DAB1: variants seen among roughly 807,000 people sequenced by gnomAD.
DAB1 encodes disabled homolog 1.
Under a neutral mutation model 64.6 loss-of-function variants are expected in DAB1, and 15 were observed. The observed-to-expected ratio is 0.23, with a 90% CI of 0.16 to 0.36. DAB1 has a LOEUF of 0.36. Among genes scored for constraint, DAB1 ranks in the 10% least tolerant of loss-of-function variants. The pLI, the probability that DAB1 is intolerant of heterozygous loss-of-function variation, is 1.00. For missense variants in DAB1, 596 were observed against 706.7 expected, an observed-to-expected ratio of 0.84 and a Z score of 1.78; for synonymous variants, 235 against 251.9, an observed-to-expected ratio of 0.93 and a Z score of 0.64.
At chr1:58,290,016 T>C (rs899568489) in intron 4 of DAB1, among the ~76,000 whole-genome samples, 2 of 152,226 alleles carry the variant, frequency 1.3e-5, no homozygotes, top group African/African-American at 4.8e-5. Context: ...GAAACTCATA[T>C]GTTTTAAGCT....
intron 4 of DAB1, among the ~76,000 whole-genome samples, chr1:57,098,900 T>C (rs1250705769): frequency 6.6e-6 from 1 of 152,338 alleles, no homozygotes; most frequent in East Asian, 1.9e-4. Context: ...TAAGATTGCC[T>C]TTAGGCCAAA....
intron 7 of DAB1, among the ~76,000 whole-genome samples, chr1:57,486,161 C>T (rs932978809): frequency 2.0e-5 from 3 of 152,114 alleles, no homozygotes; most frequent in Admixed American, 6.6e-5. Flanking sequence ...TTAAATTATG[C>T]GCTCCCAAAA....
chr1:58,355,193 C>G (rs1448608875), intron 3 of DAB1, among the ~76,000 whole-genome samples: 1 of 152,166 alleles, frequency 6.6e-6, no homozygotes, highest in Non-Finnish European at 1.5e-5. Flanking sequence ...GGGAAGCAAA[C>G]ACACAACTCA....
chr1:58,520,774 A>C (rs1277833755), intron 2 of DAB1, among the ~76,000 whole-genome samples: 1 of 152,188 alleles, frequency 6.6e-6, no homozygotes, highest in Non-Finnish European at 1.5e-5. Context: ...CAATCTAACA[A>C]GTATGTATAT....
chr1:57,020,723 G>C (rs1206150593), intron 11 of DAB1, among the ~76,000 whole-genome samples: 1 of 152,204 alleles, frequency 6.6e-6, no homozygotes, highest in African/African-American at 2.4e-5. Context: ...ATTTTTCAGT[G>C]TGTAGTGATA....
chr1:57,918,480 A>G (rs1644762109), intron 5 of DAB1, among the ~76,000 whole-genome samples: 1 of 152,074 alleles, frequency 6.6e-6, no homozygotes, highest in African/African-American at 2.4e-5. Flanking sequence ...CTCTCATAGG[A>G]ACTAATCCAG....
intron 4 of DAB1, among the ~76,000 whole-genome samples, chr1:58,204,771 G>T (rs1279156063): frequency 2.0e-5 from 3 of 152,136 alleles, no homozygotes; most frequent in African/African-American, 7.2e-5. Context: ...AGCAGCCTTT[G>T]CCAACATTAC....
At chr1:58,303,130 A>G (rs12030191) in intron 4 of DAB1, among the ~76,000 whole-genome samples, 3,373 of 152,214 alleles carry the variant, frequency 0.022, 184 homozygotes, top group East Asian at 0.21. Flanking sequence ...CCAGGACTCC[A>G]GCTTTCATCT....
At chr1:58,460,660 G>C (rs532212883) in intron 3 of DAB1, among the ~76,000 whole-genome samples, 1 of 152,080 alleles carries the variant, frequency 6.6e-6, no homozygotes, top group Non-Finnish European at 1.5e-5. Flanking sequence ...CCCTTCCCAC[G>C]CATGTGTGTA....
At chr1:57,230,638 G>A (rs1382696161) in intron 2 of DAB1, among the ~76,000 whole-genome samples, 1 of 150,622 alleles carries the variant, frequency 6.6e-6, no homozygotes, top group Non-Finnish European at 1.5e-5. Flanking sequence ...TTATTGATAT[G>A]TCATAGCTTT....
chr1:58,514,375 C>A (rs776215919), intron 2 of DAB1, among the ~76,000 whole-genome samples: 1 of 152,180 alleles, frequency 6.6e-6, no homozygotes, highest in East Asian at 1.9e-4. Flanking sequence ...ATAAATAGAT[C>A]TAGACCAAGT....
rs1404130738 is a variant in DAB1, at chr1:56,995,773, A to T, written c.*2371T>A. ...AACAAAGCAATTTAAGCAATTTCCC[A>T]TGGGAACTGCCTATCTTACCAAATC... On this transcript the variant is annotated 3_prime_UTR_variant, in exon 15 of 15. Coordinates refer to ENST00000371236, the MANE Select transcript of DAB1 (RefSeq NM_001365792.1). The T allele has an allele frequency of 6.6e-6, 1 of 152,226 alleles. No individual in the cohort carries two copies. Among genetic ancestry groups the T allele is most frequent in the Non-Finnish European group, 1.5e-5 (1 of 68,038 alleles). 9.4% of individuals were successfully genotyped at this position (152,226 alleles called of 1,614,324 possible).
intron 6 of DAB1, among the ~76,000 whole-genome samples, chr1:57,732,894 G>C (rs139007783): frequency 2.4e-4 from 37 of 152,236 alleles, no homozygotes; most frequent in African/African-American, 7.0e-4. Context: ...CCTATTCTTG[G>C]TTTAAGGCTC....
chr1:57,919,969 C>T (rs1222480879), intron 5 of DAB1, among the ~76,000 whole-genome samples: 2 of 152,078 alleles, frequency 1.3e-5, no homozygotes, highest in Non-Finnish European at 2.9e-5. Context: ...CATCTTCTTC[C>T]CCAGCCTAAT....
intron 6 of DAB1, among the ~76,000 whole-genome samples, chr1:57,693,380 T>C (rs185160199): frequency 2.2e-4 from 33 of 152,314 alleles, no homozygotes; most frequent in Admixed American, 1.1e-3. Context: ...ATCAGTGCTC[T>C]GTGTCTAGCT....
intron 5 of DAB1, among the ~76,000 whole-genome samples, chr1:58,147,765 T>G (rs933253022): frequency 2.6e-5 from 4 of 152,272 alleles, no homozygotes; most frequent in East Asian, 3.9e-4. Context: ...TGCTAGATAT[T>G]CCCACAAATG....
intron 2 of DAB1, among the ~76,000 whole-genome samples, chr1:57,180,119 A>G (rs1662754581): frequency 6.6e-6 from 1 of 152,208 alleles, no homozygotes; most frequent in African/African-American, 2.4e-5. Flanking sequence ...GAATCCAAGA[A>G]CAACTTTGTT....
At chr1:57,672,899 G>A (rs1403289688) in intron 6 of DAB1, among the ~76,000 whole-genome samples, 1 of 152,158 alleles carries the variant, frequency 6.6e-6, no homozygotes, top group Non-Finnish European at 1.5e-5. Flanking sequence ...TGGCAAAGAT[G>A]TGAAGACTTA....
At chr1:57,614,233 T>A (rs1645762315) in intron 7 of DAB1, among the ~76,000 whole-genome samples, 1 of 152,198 alleles carries the variant, frequency 6.6e-6, no homozygotes, top group Non-Finnish European at 1.5e-5. Context: ...TCTCTTAAGC[T>A]TTCAATGTTC....
Sources: allele counts gnomAD v4.1 joint callset (sites outside exome capture counted in the v4.1 genomes callset), GRCh38; gene constraint gnomAD v4.1.1; transcripts MANE v1.5; gene names NCBI Gene and HGNC (gene_info 2026-07-23, HGNC 2026-07-21).